Variants in VSIG1 observed in about 807,000 individuals in gnomAD.
VSIG1 encodes V-set and immunoglobulin domain-containing protein 1.
VSIG1 carries 11 observed loss-of-function variants against 20.1 expected under a neutral mutation model. The observed-to-expected ratio is 0.55, with a 90% CI of 0.34 to 0.91. The LOEUF is 0.91. Ranked by LOEUF, VSIG1 falls within the 40% of genes least tolerant of loss-of-function variation. VSIG1 has a pLI of 0.02. For missense variants in VSIG1, 283 were observed against 298.8 expected, an observed-to-expected ratio of 0.95 and a Z score of 0.39; for synonymous variants, 126 against 116.7, an observed-to-expected ratio of 1.08 and a Z score of -0.52.
intron 5 of VSIG1, among the ~76,000 whole-genome samples, chrX:108,075,654 C>T (rs1261099968): frequency 9.0e-6 from 1 of 111,120 alleles, no homozygotes; most frequent in Non-Finnish European, 1.9e-5. Flanking sequence ...TATCACTTCC[C>T]AGTGACCAGA....
rs955173773 is a variant in VSIG1, at chrX:108,073,520, A to G, written c.688+151A>G. 13 of 616,634 alleles carry G rather than the reference A, an allele frequency of 2.1e-5. No homozygotes were observed. In the Admixed American group the frequency reaches 2.6e-4, roughly 12 times the overall value. The allele number at this position is 616,634 out of a possible 1,213,427, so 50.8% of individuals were successfully genotyped here. A position where few individuals can be genotyped will look rare whatever the true frequency, so the allele number is the denominator to read the frequency against. ...ATACAGGCTGATATGATGAATGACCATCCTAATATCTAATGCTCACATAAT... is the reference window on the plus strand; with the variant it reads ...ATACAGGCTGATATGATGAATGACCGTCCTAATATCTAATGCTCACATAAT... On this transcript the variant is annotated intron_variant, in intron 5 of 6. Transcript: ENST00000217957.
At chrX:108,061,658 G>A in intron 2 of VSIG1, 1 of 539,995 alleles carries the variant, frequency 1.9e-6, no homozygotes, top group Non-Finnish European at 3.1e-6. Flanking sequence ...ATCAGCACAA[G>A]CCCCTGACAA....
rs1165481903 is a variant in VSIG1, at chrX:108,047,809, CAT to C, written c.49+2640_49+2641del. ...CTCTCTCTATATATATATATATATACATATATATATACATATATATACACATA... is the reference window on the plus strand; with the variant it reads ...CTCTCTCTATATATATATATATATACATATATATACATATATATACACATA... On this transcript the variant is annotated intron_variant, in intron 1 of 6. Coordinates refer to ENST00000217957, the MANE Select transcript of VSIG1 (RefSeq NM_182607.5). 5.1e-3 allele frequency among the ~76,000 whole-genome samples: 312 copies of C among 61,125 alleles called. 18 individuals carry two copies. The highest frequency in any genetic ancestry group is 0.022 in the African/African-American group (290 of 13,154). The allele number at this position is 61,125 out of a possible 115,157, so 53.1% of individuals were successfully genotyped here. A position where few individuals can be genotyped will look rare whatever the true frequency, so the allele number is the denominator to read the frequency against.
chrX:108,019,012 T>C, the VSIG1 span, among the ~76,000 whole-genome samples: 4 of 111,783 alleles, frequency 3.6e-5, no homozygotes, highest in Non-Finnish European at 5.6e-5. Context: ...GGTGGCTTAA[T>C]TGGGTGCTGG....
In VSIG1 at chrX:108,077,563, TC is replaced by T; in HGVS notation, c.*184del. On this transcript the variant is annotated 3_prime_UTR_variant, in exon 7 of 7. Transcript: ENST00000217957. ...AGATAACAGCTAAATCAGCAAGGGT[TC>T]CTGTATTACCAATATAGAATACTAA... 2.1e-6 allele frequency: 1 copy of T among 483,184 alleles called. No homozygotes were observed. The highest frequency in any genetic ancestry group is 3.4e-6 in the Non-Finnish European group (1 of 296,290). 39.8% of individuals were successfully genotyped at this position (483,184 alleles called of 1,213,427 possible).
At chrX:108,061,648 A>T in intron 2 of VSIG1, 1 of 595,045 alleles carries the variant, frequency 1.7e-6, no homozygotes, top group Non-Finnish European at 2.7e-6. Flanking sequence ...AACAATCAAG[A>T]TCAGCACAAG....
chrX:108,033,192 T>C, the VSIG1 span, among the ~76,000 whole-genome samples: 1 of 111,775 alleles, frequency 8.9e-6, no homozygotes, highest in Middle Eastern at 4.6e-3. Context: ...CATTCTCAAG[T>C]TTCCCTCCTT....
At position 108,078,018 on chromosome X, in the gene VSIG1, A is replaced by C. The variant is rs976082105; in HGVS notation, c.*637A>C. 1.8e-5 allele frequency: 2 copies of C among 111,383 alleles called. No homozygotes were observed. Among genetic ancestry groups the C allele is most frequent in the African/African-American group, 3.3e-5 (1 of 30,573 alleles). The allele number at this position is 111,383 out of a possible 1,213,427, so 9.2% of individuals were successfully genotyped here. A position where few individuals can be genotyped will look rare whatever the true frequency, so the allele number is the denominator to read the frequency against. On this transcript the variant is annotated 3_prime_UTR_variant, in exon 7 of 7. Coordinates refer to ENST00000217957, the MANE Select transcript of VSIG1 (RefSeq NM_182607.5). ...CACTGCGCCCGGCCTCTTTTTAGCT[A>C]CTCTTATGTTCCACATGCACATATG...
At position 108,072,960 on chromosome X, in the gene VSIG1, G is replaced by A. The variant is rs928710982; in HGVS notation, c.568+128G>A. The A allele has an allele frequency of 1.0e-5, 7 of 702,051 alleles. No individual in the cohort carries two copies. In the African/African-American group the frequency reaches 1.5e-4, roughly 15 times the overall value. 57.9% of individuals were successfully genotyped at this position (702,051 alleles called of 1,213,427 possible). On this transcript the variant is annotated intron_variant, in intron 4 of 6. Transcript: ENST00000217957. ...GTTTTCTCAGTGGTGGCGGGTGGAG[G>A]GGGGCGGCTGGTAATGTAAAAAGAA...
intron 1 of VSIG1, among the ~76,000 whole-genome samples, chrX:108,051,913 C>T (rs1165883949): frequency 1.8e-5 from 2 of 111,663 alleles, no homozygotes; most frequent in Non-Finnish European, 3.8e-5. Context: ...CATAATCTCA[C>T]TTATATGTGA....
the VSIG1 span, among the ~76,000 whole-genome samples, chrX:108,031,772 C>A: frequency 8.9e-6 from 1 of 112,271 alleles, no homozygotes; most frequent in African/African-American, 3.2e-5. Context: ...TCGTGTACAA[C>A]ATGATCTTTT....
intron 2 of VSIG1, among the ~76,000 whole-genome samples, chrX:108,062,151 A>G (rs2031040826): frequency 9.0e-6 from 1 of 111,212 alleles, no homozygotes; most frequent in South Asian, 3.9e-4. Flanking sequence ...GTTAATGCTA[A>G]CACTACAGAG....
In VSIG1 at chrX:108,071,348, G is replaced by A. The variant is rs1482016270; in HGVS notation, c.413-1329G>A. On this transcript the variant is annotated intron_variant, in intron 3 of 6. Transcript: ENST00000217957. ...TGTATATAAGATAGATATATAAGGT[G>A]TATAAGATAGATGTATAGATATAAA... is the stretch of plus-strand genomic sequence containing the variant. Among the ~76,000 whole-genome samples the A allele has an allele frequency of 3.6e-5, 4 of 111,421 alleles. No homozygotes were observed. In the East Asian group the frequency reaches 1.1e-3, roughly 31 times the overall value.
the VSIG1 span, among the ~76,000 whole-genome samples, chrX:108,030,675 C>T: frequency 2.7e-5 from 3 of 112,251 alleles, no homozygotes; most frequent in South Asian, 1.1e-3. Context: ...GGAGACTCCT[C>T]ATCTCTTCTG....
At chrX:108,063,104 C>T (rs1001685833) in intron 2 of VSIG1, among the ~76,000 whole-genome samples, 2 of 112,176 alleles carry the variant, frequency 1.8e-5, no homozygotes. Context: ...CTGCAAAGAA[C>T]TGAGGGGCCT....
the VSIG1 span, among the ~76,000 whole-genome samples, chrX:108,019,097 G>T: frequency 9.8e-5 from 11 of 112,066 alleles, no homozygotes; most frequent in African/African-American, 3.6e-4. Context: ...GGGCAATGTC[G>T]GTACCAGTGG....
At chrX:108,023,450 T>C in the VSIG1 span, among the ~76,000 whole-genome samples, 1 of 112,241 alleles carries the variant, frequency 8.9e-6, no homozygotes, top group South Asian at 3.7e-4. Flanking sequence ...AGGGTAATGC[T>C]GGCCTCATAG....
At position 108,078,522 on chromosome X, in the gene VSIG1, G is replaced by A. The variant is rs2031395142; in HGVS notation, c.*1141G>A. 8.9e-6 allele frequency: 1 copy of A among 111,887 alleles called. No individual in the cohort carries two copies. Among genetic ancestry groups the A allele is most frequent in the African/African-American group, 3.3e-5 (1 of 30,748 alleles). The allele number at this position is 111,887 out of a possible 1,213,427, so 9.2% of individuals were successfully genotyped here. A position where few individuals can be genotyped will look rare whatever the true frequency, so the allele number is the denominator to read the frequency against. ...GGAGAATCGCTTGAACCCAGGAGGT[G>A]GAGGTTGCAGTGAGCCGAGATTGTG... On this transcript the variant is annotated 3_prime_UTR_variant, in exon 7 of 7. Transcript: ENST00000217957.
intron 2 of VSIG1, chrX:108,061,543 C>G (rs2031024452): frequency 2.6e-6 from 3 of 1,150,388 alleles, no homozygotes; most frequent in Middle Eastern, 4.8e-4. Context: ...GAGGTAAGAA[C>G]ACTTATTGGT....
Sources: gnomAD v4.1 joint callset for allele counts (sites outside exome capture counted in the v4.1 genomes callset) on GRCh38, gnomAD v4.1.1 for gene constraint, MANE v1.5 for transcripts, NCBI Gene and HGNC (gene_info 2026-07-23, HGNC 2026-07-21) for gene names.